The following PIWIL2 variants were observed in gnomAD, a reference collection of about 807,000 sequenced individuals.
PIWIL2 encodes the protein piwi like RNA-mediated gene silencing 2.
A neutral mutation model predicts 116.5 loss-of-function variants in PIWIL2; 81 were observed. That is an observed-to-expected ratio of 0.70 (90% confidence interval 0.58 to 0.84). The LOEUF is 0.84. PIWIL2 is among the 40% of genes least tolerant of loss of function. PIWIL2 has a pLI of 0.00. For missense variants in PIWIL2, 1,272 were observed against 1,212.3 expected (o/e 1.05, Z -0.73); for synonymous variants, 489 against 429.5 (o/e 1.14, Z -1.71).
rs764270995 is a variant in PIWIL2, at chr8:22,315,041, C to G, written c.2104C>G (p.Arg702Gly). The G allele has an allele frequency of 1.2e-6, 2 of 1,610,030 alleles. No individual in the cohort carries two copies. The highest frequency in any genetic ancestry group is 1.7e-6 in the Non-Finnish European group (2 of 1,176,302). ...CCCTTCATTATAGGTTGTCAATGTT[C>G]GAACCATTGGTCAGCCCACCAGGCT... The part of the protein sequence containing the change: ...SPVPSQVVNV[R>G]TIGQPTRLRS... Residue 702 changes from arginine (R) to glycine (G), a missense_variant, in exon 18 of 23, where the codon CGA becomes GGA. By Grantham distance (125) the Arg-to-Gly change is moderately radical (BLOSUM62 -2). Coordinates refer to ENST00000356766, the MANE Select transcript of PIWIL2 (RefSeq NM_018068.5).
At position 22,316,485 on chromosome 8, in the gene PIWIL2, C is replaced by T. The variant is rs985277114; in HGVS notation, c.2297+152C>T. 46 of 574,616 alleles carry T rather than the reference C, an allele frequency of 8.0e-5. 1 individual carries two copies. Among genetic ancestry groups the T allele is most frequent in the Middle Eastern group, 3.9e-4 (1 of 2,572 alleles). The allele number at this position is 574,616 out of a possible 1,614,324, so 35.6% of individuals were successfully genotyped here. On this transcript the variant is annotated intron_variant, in intron 19 of 22. Coordinates refer to ENST00000356766, the MANE Select transcript of PIWIL2 (RefSeq NM_018068.5). ...CTATCTTCATGTGAATTTTTTTTTT[C>T]GGGGGGGAGGGGTGGAAATGGAGTC...
At chr8:22,353,565 T>A (rs909430047) in intron 21 of PIWIL2, among the ~76,000 whole-genome samples, 7 of 152,008 alleles carry the variant, frequency 4.6e-5, no homozygotes, top group African/African-American at 1.7e-4. Flanking sequence ...GGAGAATCGC[T>A]TGAACCTAGG....
At chr8:22,335,133 G>A (rs1039998057) in intron 20 of PIWIL2, among the ~76,000 whole-genome samples, 5 of 150,208 alleles carry the variant, frequency 3.3e-5, no homozygotes, top group African/African-American at 1.2e-4. Context: ...TAGTAAAAAA[G>A]AGAATTATAA....
At chr8:22,276,307 T>C (rs1342652515) in intron 1 of PIWIL2, among the ~76,000 whole-genome samples, 1 of 152,178 alleles carries the variant, frequency 6.6e-6, no homozygotes, top group Admixed American at 6.5e-5. Flanking sequence ...TTAAGACAGC[T>C]TTTTTGTTTG....
chr8:22,329,560 C>A (rs2132076798), intron 20 of PIWIL2, among the ~76,000 whole-genome samples: 1 of 152,364 alleles, frequency 6.6e-6, no homozygotes, highest in Non-Finnish European at 1.5e-5. Flanking sequence ...GCTCACTTAT[C>A]ACCAGGGGAT....
intron 15 of PIWIL2, 98 bp downstream of exon 15, chr8:22,310,172 A>G (rs981727499): frequency 2.8e-5 from 19 of 674,496 alleles, no homozygotes; most frequent in Non-Finnish European, 3.1e-5. Context: ...TTTGAGGGAA[A>G]GTACCAATTG....
chr8:22,294,815 C>CT (rs1205836695), intron 10 of PIWIL2, among the ~76,000 whole-genome samples: 2 of 136,308 alleles, frequency 1.5e-5, no homozygotes, highest in East Asian at 4.9e-4. Flanking sequence ...CATCCCAGGA[C>CT]TTTGGGAGGC....
chr8:22,326,569 T>C (rs996889738), intron 20 of PIWIL2, among the ~76,000 whole-genome samples: 1 of 152,236 alleles, frequency 6.6e-6, no homozygotes, highest in Admixed American at 6.5e-5. Flanking sequence ...TTGTCTATTT[T>C]GCCTATATTG....
At chr8:22,342,468 GAC>G (rs1232155881) in intron 20 of PIWIL2, among the ~76,000 whole-genome samples, 1 of 152,130 alleles carries the variant, frequency 6.6e-6, no homozygotes, top group Non-Finnish European at 1.5e-5. Flanking sequence ...CCCAGAAATA[GAC>G]ACACACAAAT....
chr8:22,327,079 G>GT (rs1831742557), intron 20 of PIWIL2, among the ~76,000 whole-genome samples: 1 of 140,956 alleles, frequency 7.1e-6, no homozygotes, highest in Admixed American at 7.5e-5. Flanking sequence ...CCAGGCTGGC[G>GT]TGCAGTGACA....
At chr8:22,345,556 A>G (rs1832208095) in intron 20 of PIWIL2, among the ~76,000 whole-genome samples, 1 of 151,938 alleles carries the variant, frequency 6.6e-6, no homozygotes, top group South Asian at 2.1e-4. Context: ...CCCAGCTACT[A>G]GGGAGGCTGA....
intron 10 of PIWIL2, among the ~76,000 whole-genome samples, chr8:22,300,305 G>A (rs564877769): frequency 2.8e-4 from 42 of 152,060 alleles, no homozygotes; most frequent in African/African-American, 9.9e-4. Context: ...CTTTCACTTA[G>A]CGTTATTTTG....
intron 10 of PIWIL2, among the ~76,000 whole-genome samples, chr8:22,295,622 C>G (rs1245522680): frequency 6.6e-6 from 1 of 152,150 alleles, no homozygotes; most frequent in Non-Finnish European, 1.5e-5. Flanking sequence ...CCATGTCTGT[C>G]AGGGAGCTCT....
intron 20 of PIWIL2, among the ~76,000 whole-genome samples, chr8:22,329,659 A>T (rs1563409323): frequency 6.6e-6 from 1 of 152,218 alleles, no homozygotes; most frequent in African/African-American, 2.4e-5. Context: ...ACATGTCAAC[A>T]TGAGATTTGG....
chr8:22,342,174 A>T (rs897400650), intron 20 of PIWIL2, among the ~76,000 whole-genome samples: 1 of 152,200 alleles, frequency 6.6e-6, no homozygotes. Context: ...TATCTTAAAA[A>T]TGGAGAGAGA....
chr8:22,288,513 T>G, intron 7 of PIWIL2, 29 bp from the exon 8 acceptor site: 1 of 1,594,740 alleles, frequency 6.3e-7, no homozygotes, highest in Non-Finnish European at 8.6e-7. Context: ...TTTGTCATTT[T>G]GTTTCACCTG....
chr8:22,330,878 A>G (rs138423117), intron 20 of PIWIL2, among the ~76,000 whole-genome samples: 2 of 151,774 alleles, frequency 1.3e-5, no homozygotes, highest in African/African-American at 4.8e-5. Context: ...CTTTGTTGAA[A>G]ACTGGAAATT....
At chr8:22,331,891 C>T (rs1368502706) in intron 20 of PIWIL2, among the ~76,000 whole-genome samples, 5 of 152,092 alleles carry the variant, frequency 3.3e-5, no homozygotes, top group Non-Finnish European at 5.9e-5. Flanking sequence ...GTGTAAAAAA[C>T]AGTCACATTC....
intron 1 of PIWIL2, among the ~76,000 whole-genome samples, chr8:22,277,585 T>G (rs1830406395): frequency 6.6e-6 from 1 of 152,042 alleles, no homozygotes; most frequent in Non-Finnish European, 1.5e-5. Context: ...TTCCTAAGAC[T>G]GGCCTCAAAC....
Sources: gnomAD v4.1 joint callset for allele counts (sites outside exome capture counted in the v4.1 genomes callset) on GRCh38, gnomAD v4.1.1 for gene constraint, MANE v1.5 for transcripts, NCBI Gene and HGNC (gene_info 2026-07-23, HGNC 2026-07-21) for gene names.